The following FCHO2 variants were observed in gnomAD, a reference collection of about 807,000 sequenced individuals.
FCHO2 encodes FCH and mu domain containing endocytic adaptor 2.
A neutral mutation model predicts 114.1 loss-of-function variants in FCHO2; 43 were observed. That is an observed-to-expected ratio of 0.38 (90% CI 0.30 to 0.49). The LOEUF (loss-of-function observed/expected upper bound fraction) is 0.49, where lower values mean the gene tolerates loss of function less well. Among genes scored for constraint, FCHO2 ranks in the 20% least tolerant of loss-of-function variants. The probability of loss-of-function intolerance (pLI) is 0.97; values close to 1 mark genes in which losing one functional copy is unlikely to be tolerated. For missense variants in FCHO2, 807 were observed against 950.4 expected (o/e 0.85, Z 1.98); for synonymous variants, 293 against 315.2 (o/e 0.93, Z 0.75).
intron 12 of FCHO2, among the ~76,000 whole-genome samples, chr5:73,051,765 T>C (rs1441696238): frequency 6.6e-6 from 1 of 151,930 alleles, no homozygotes; most frequent in East Asian, 1.9e-4. Flanking sequence ...AGGGTTTCAT[T>C]ATGTTGGCCA....
intron 8 of FCHO2, among the ~76,000 whole-genome samples, chr5:73,028,172 G>A (rs960835729): frequency 6.6e-6 from 1 of 152,294 alleles, no homozygotes; most frequent in East Asian, 1.9e-4. Flanking sequence ...ACTCCAGCCT[G>A]GGTGACAGGG....
intron 1 of FCHO2, 139 bp downstream of exon 1, chr5:72,956,268 A>C: frequency 8.3e-7 from 1 of 1,199,660 alleles, no homozygotes; most frequent in Admixed American, 3.2e-5. Context: ...CGCCTGGGTG[A>C]GGTCCGGCGG....
At chr5:72,992,737 A>G (rs2112674343) in intron 5 of FCHO2, among the ~76,000 whole-genome samples, 1 of 152,338 alleles carries the variant, frequency 6.6e-6, no homozygotes, top group East Asian at 1.9e-4. Flanking sequence ...TTTTGGCCAT[A>G]TCTACAATAT....
At chr5:73,020,907 T>G (rs750189952) in intron 8 of FCHO2, 388 of 1,310,148 alleles carry the variant, frequency 3.0e-4, no homozygotes, top group Non-Finnish European at 4.0e-4. Flanking sequence ...GCTTATCATC[T>G]TTATCGAAAT....
rs78420653 is a variant in FCHO2 at position 73,064,415 on chromosome 5, G to A, written c.1449+471G>A. ...AAAAGTACATGCATGGGTGGGAAAA[G>A]CATTGGTTTTTAAAAGTCATCAGAT... On this transcript the variant is annotated intron_variant, in intron 18 of 25. Coordinates refer to ENST00000430046, the MANE Select transcript of FCHO2 (RefSeq NM_138782.3). 3.6e-3 allele frequency among the ~76,000 whole-genome samples: 542 copies of A among 152,154 alleles called. 5 individuals are homozygous for A. The highest frequency in any genetic ancestry group is 0.013 in the African/African-American group (528 of 41,556).
At chr5:73,058,002 T>G (rs77817012) in intron 16 of FCHO2, among the ~76,000 whole-genome samples, 1 of 152,056 alleles carries the variant, frequency 6.6e-6, no homozygotes, top group African/African-American at 2.4e-5. Flanking sequence ...TATCCAACTT[T>G]TAAATTAAAA....
intron 2 of FCHO2, among the ~76,000 whole-genome samples, chr5:72,982,791 T>G (rs1753286067): frequency 3.3e-5 from 5 of 151,286 alleles, no homozygotes; most frequent in Admixed American, 3.3e-4. Flanking sequence ...TTTGAGTTAA[T>G]TTTTGTGAAG....
intron 6 of FCHO2, among the ~76,000 whole-genome samples, chr5:73,010,737 T>C (rs1452304062): frequency 1.3e-5 from 2 of 151,288 alleles, no homozygotes; most frequent in East Asian, 3.9e-4. Context: ...CTTAGCCAGG[T>C]GTGGTGGTGC....
chr5:73,038,606 A>G (rs1756650779), intron 10 of FCHO2, among the ~76,000 whole-genome samples: 1 of 152,174 alleles, frequency 6.6e-6, no homozygotes, highest in Non-Finnish European at 1.5e-5. Context: ...TGCTTTGGGT[A>G]TTCTTGCTTT....
At chr5:73,023,127 G>A (rs1259783789) in intron 8 of FCHO2, among the ~76,000 whole-genome samples, 1 of 152,062 alleles carries the variant, frequency 6.6e-6, no homozygotes, top group Non-Finnish European at 1.5e-5. Context: ...AGGGATAATG[G>A]AAATATCTTT....
intron 20 of FCHO2, among the ~76,000 whole-genome samples, chr5:73,075,171 G>A (rs1742853433): frequency 6.6e-6 from 1 of 152,178 alleles, no homozygotes; most frequent in African/African-American, 2.4e-5. Context: ...CAAAGAAACA[G>A]CTGTATGTAT....
intron 1 of FCHO2, among the ~76,000 whole-genome samples, chr5:72,961,190 A>G (rs1248939236): frequency 6.6e-6 from 1 of 152,166 alleles, no homozygotes; most frequent in Non-Finnish European, 1.5e-5. Flanking sequence ...TGCTATTAAT[A>G]GGTCTTTGGG....
chr5:72,997,398 T>A (rs920974347), intron 5 of FCHO2: 3 of 1,600,410 alleles, frequency 1.9e-6, no homozygotes, highest in Non-Finnish European at 2.6e-6. Context: ...CACTGCACTT[T>A]GGAGTTGGGC....
intron 6 of FCHO2, among the ~76,000 whole-genome samples, chr5:73,010,982 T>TAA (rs1754979466): frequency 6.6e-6 from 1 of 151,976 alleles, no homozygotes; most frequent in Non-Finnish European, 1.5e-5. Context: ...CTGTTGCTTG[T>TAA]AAGCTACAAA....
At chr5:73,027,092 G>C (rs1464956416) in intron 8 of FCHO2, among the ~76,000 whole-genome samples, 1 of 144,164 alleles carries the variant, frequency 6.9e-6, no homozygotes, top group East Asian at 2.1e-4. Flanking sequence ...AGGATGCTTT[G>C]AATATTAAGG....
intron 16 of FCHO2, among the ~76,000 whole-genome samples, chr5:73,058,058 T>A (rs1757683928): frequency 6.6e-6 from 1 of 152,160 alleles, no homozygotes; most frequent in South Asian, 2.1e-4. Flanking sequence ...TTACCCAGGC[T>A]GGAGTACAGT....
At chr5:73,068,800 A>G (rs749570565) in intron 19 of FCHO2, 21 bp downstream of exon 19, 2 of 1,609,286 alleles carry the variant, frequency 1.2e-6, no homozygotes, top group South Asian at 1.1e-5. Flanking sequence ...ATCATCAATT[A>G]CATGTGAAAT....
intron 8 of FCHO2, among the ~76,000 whole-genome samples, chr5:73,030,319 G>A (rs1349954559): frequency 6.6e-6 from 1 of 152,182 alleles, no homozygotes; most frequent in African/African-American, 2.4e-5. Flanking sequence ...TGGGATTACA[G>A]GCATGAGCCA....
chr5:72,995,282 G>C (rs1274633412), intron 5 of FCHO2, among the ~76,000 whole-genome samples: 3 of 150,264 alleles, frequency 2.0e-5, no homozygotes, highest in South Asian at 4.2e-4. Flanking sequence ...TTGAGACAGA[G>C]TCTCACTCTG....
Sources: gnomAD v4.1 joint callset for allele counts (sites outside exome capture counted in the v4.1 genomes callset) on GRCh38, gnomAD v4.1.1 for gene constraint, MANE v1.5 for transcripts, NCBI Gene and HGNC (gene_info 2026-07-23, HGNC 2026-07-21) for gene names.